NRXN3: variants seen among roughly 807,000 people sequenced by gnomAD.
NRXN3 encodes neurexin 3.
Under a neutral mutation model 137.6 loss-of-function variants are expected in NRXN3, and 32 were observed. The observed-to-expected ratio is 0.23, with a 90% CI of 0.18 to 0.31. The LOEUF (loss-of-function observed/expected upper bound fraction) is 0.31, where lower values mean the gene tolerates loss of function less well. Ranked by LOEUF, NRXN3 falls within the 10% of genes least tolerant of loss-of-function variation. The pLI is 1.00. For synonymous variants in NRXN3, 798 were observed against 784.5 expected, an observed-to-expected ratio of 1.02 and a Z score of -0.29; for missense variants, 1,574 against 2,062.5, an observed-to-expected ratio of 0.76 and a Z score of 4.59.
intron 15 of NRXN3, among the ~76,000 whole-genome samples, chr14:79,307,766 TTCTC>T (rs887791936): frequency 8.6e-5 from 13 of 151,560 alleles, no homozygotes; most frequent in Non-Finnish European, 1.2e-4. Context: ...TCACCTCTCT[TTCTC>T]TCTCTCTCTC....
intron 4 of NRXN3, among the ~76,000 whole-genome samples, chr14:78,486,153 T>C (rs2095556168): frequency 6.6e-6 from 1 of 152,212 alleles, no homozygotes; most frequent in African/African-American, 2.4e-5. Flanking sequence ...ACTATTTTTG[T>C]GAGTGTTTAA....
chr14:79,305,985 T>C (rs567599399), intron 15 of NRXN3, among the ~76,000 whole-genome samples: 1 of 152,214 alleles, frequency 6.6e-6, no homozygotes, highest in East Asian at 1.9e-4. Context: ...ATATTTGTTT[T>C]AACCTGAAAA....
At chr14:78,300,707 T>C in intron 4 of NRXN3, 1 of 1,501,704 alleles carries the variant, frequency 6.7e-7, no homozygotes, top group African/African-American at 1.4e-5. Flanking sequence ...GCTCACTTTA[T>C]TTTTATCATT....
chr14:79,279,092 A>G (rs988796414), intron 15 of NRXN3, among the ~76,000 whole-genome samples: 4 of 152,156 alleles, frequency 2.6e-5, no homozygotes, highest in African/African-American at 7.2e-5. Flanking sequence ...CACGGGTGAT[A>G]AAGAAGGCGC....
intron 15 of NRXN3, among the ~76,000 whole-genome samples, chr14:79,101,499 C>G (rs1216254685): frequency 6.6e-6 from 1 of 152,124 alleles, no homozygotes; most frequent in Non-Finnish European, 1.5e-5. Context: ...TTCTGTGGGT[C>G]TTTTGGCTGT....
At chr14:78,255,834 G>A (rs1383498369) in intron 2 of NRXN3, among the ~76,000 whole-genome samples, 3 of 152,218 alleles carry the variant, frequency 2.0e-5, no homozygotes, top group Non-Finnish European at 4.4e-5. Context: ...ATATGTGTGT[G>A]CCTGTGCTCC....
chr14:79,659,763 A>T (rs1346094178), intron 16 of NRXN3, among the ~76,000 whole-genome samples: 1 of 152,184 alleles, frequency 6.6e-6, no homozygotes, highest in Admixed American at 6.5e-5. Context: ...AATCAGAAGT[A>T]AAATAACCAG....
intron 4 of NRXN3, among the ~76,000 whole-genome samples, chr14:78,632,258 T>A (rs1005252269): frequency 6.6e-6 from 1 of 152,212 alleles, no homozygotes; most frequent in Non-Finnish European, 1.5e-5. Context: ...TCCCAAAGTA[T>A]ATGGTTAATA....
At chr14:78,880,970 C>A (rs2099127561) in intron 10 of NRXN3, among the ~76,000 whole-genome samples, 1 of 152,162 alleles carries the variant, frequency 6.6e-6, no homozygotes, top group South Asian at 2.1e-4. Context: ...GTAATTAAAT[C>A]ACGGGGGCAA....
At chr14:78,289,697 C>T (rs377313493) in intron 3 of NRXN3, among the ~76,000 whole-genome samples, 91 of 152,078 alleles carry the variant, frequency 6.0e-4, no homozygotes, top group African/African-American at 1.9e-3. Flanking sequence ...GGGCAGATCA[C>T]GAGGTCAAGA....
chr14:78,446,534 C>T (rs1443652508), intron 4 of NRXN3, among the ~76,000 whole-genome samples: 1 of 152,072 alleles, frequency 6.6e-6, no homozygotes, highest in Non-Finnish European at 1.5e-5. Flanking sequence ...AGTGTCTAGG[C>T]CAGGACCTGG....
intron 4 of NRXN3, among the ~76,000 whole-genome samples, chr14:78,314,912 T>C (rs1333930106): frequency 2.1e-4 from 24 of 113,050 alleles, no homozygotes; most frequent in African/African-American, 1.1e-3. Context: ...TCTTTCTTTC[T>C]TTCTTTCTTT....
At chr14:78,948,948 C>T (rs984211063) in intron 10 of NRXN3, among the ~76,000 whole-genome samples, 1 of 152,144 alleles carries the variant, frequency 6.6e-6, no homozygotes, top group Non-Finnish European at 1.5e-5. Context: ...ATGACCTTGA[C>T]AGGTCACAGA....
intron 15 of NRXN3, among the ~76,000 whole-genome samples, chr14:79,112,811 T>C (rs1453020342): frequency 1.3e-5 from 2 of 152,090 alleles, no homozygotes; most frequent in South Asian, 2.1e-4. Context: ...AGTGGTAGAG[T>C]TACAAGTAAA....
rs79695028 is a variant in NRXN3 at position 79,258,589 on chromosome 14, C to A, written c.3263-208632C>A. Among the ~76,000 whole-genome samples the A allele has an allele frequency of 7.2e-3, 1,094 of 152,246 alleles. 12 individuals are homozygous for A. Among genetic ancestry groups the A allele is most frequent in the African/African-American group, 0.025 (1,033 of 41,548 alleles). On this transcript the variant is annotated intron_variant, in intron 15 of 20. Coordinates refer to ENST00000335750, the MANE Select transcript of NRXN3 (RefSeq NM_001330195.2). The stretch of plus-strand genomic sequence containing the variant: ...TTATTCTTTTGCTTAATTTGAATTT[C>A]AGCTGTGTTAATAACCAGAGGGACT...
chr14:78,673,800 A>T (rs1279251724), intron 6 of NRXN3, among the ~76,000 whole-genome samples: 1 of 152,140 alleles, frequency 6.6e-6, no homozygotes, highest in East Asian at 1.9e-4. Context: ...TCCAAATACC[A>T]TCATGTTGGA....
In NRXN3 at chr14:79,800,506, A is replaced by G. The variant is rs139527166; in HGVS notation, c.4015-4606A>G. On this transcript the variant is annotated intron_variant, in intron 19 of 20. Transcript: ENST00000335750. ...ACTGCTCTTTCTTCTAAGTAATTAA[A>G]AGTAATTACAGACAATGGTTGTGAT... is the stretch of plus-strand genomic sequence containing the variant. 3.3e-3 allele frequency among the ~76,000 whole-genome samples: 500 copies of G among 152,326 alleles called. 3 individuals are homozygous for G. The highest frequency in any genetic ancestry group is 0.01 in the Middle Eastern group (3 of 294).
intron 19 of NRXN3, among the ~76,000 whole-genome samples, chr14:79,711,853 T>C (rs1312468447): frequency 6.6e-6 from 1 of 152,178 alleles, no homozygotes; most frequent in East Asian, 1.9e-4. Context: ...TGATGGATGA[T>C]GGAGCTGGGG....
chr14:78,823,269 A>G (rs912201598), intron 10 of NRXN3, among the ~76,000 whole-genome samples: 1 of 152,090 alleles, frequency 6.6e-6, no homozygotes, highest in African/African-American at 2.4e-5. Flanking sequence ...ATTTCCTTCC[A>G]TTGTACTCTA....
Sources: gnomAD v4.1 joint callset for allele counts (sites outside exome capture counted in the v4.1 genomes callset) on GRCh38, gnomAD v4.1.1 for gene constraint, MANE v1.5 for transcripts, NCBI Gene and HGNC (gene_info 2026-07-23, HGNC 2026-07-21) for gene names.